GDPD4: variants seen among roughly 807,000 people sequenced by gnomAD.
GDPD4 encodes the protein glycerophosphodiester phosphodiesterase 6.
In GDPD4, 60 loss-of-function variants were observed where a neutral mutation model predicts 67.8. That is an observed-to-expected ratio of 0.88 (90% CI 0.72 to 1.10). The LOEUF (loss-of-function observed/expected upper bound fraction) is 1.10, where lower values mean the gene tolerates loss of function less well. GDPD4 is among the 50% of genes least tolerant of loss of function. The pLI is 0.00. For synonymous variants in GDPD4, 212 were observed against 210.9 expected, an observed-to-expected ratio of 1.00 and a Z score of -0.04; for missense variants, 623 against 613.9, an observed-to-expected ratio of 1.01 and a Z score of -0.16.
intron 16 of GDPD4, among the ~76,000 whole-genome samples, chr11:77,219,148 T>G (rs540929067): frequency 6.6e-6 from 1 of 152,382 alleles, no homozygotes; most frequent in African/African-American, 2.4e-5. Context: ...TCAGTGACGA[T>G]GAGCATTTTT....
chr11:77,245,860 G>T (rs1250789836), intron 11 of GDPD4, among the ~76,000 whole-genome samples: 1 of 152,066 alleles, frequency 6.6e-6, no homozygotes, highest in Admixed American at 6.6e-5. Flanking sequence ...TGTGTAATAG[G>T]AAGAACACAT....
At chr11:77,217,566 G>C (rs551944671) in intron 16 of GDPD4, among the ~76,000 whole-genome samples, 86 of 152,294 alleles carry the variant, frequency 5.6e-4, no homozygotes, top group African/African-American at 2.1e-3. Flanking sequence ...TCAGAAAGCA[G>C]AGACTGACAT....
chr11:77,222,222 TTTAAGG>T (rs1394022780), intron 16 of GDPD4, among the ~76,000 whole-genome samples: 1 of 152,224 alleles, frequency 6.6e-6, no homozygotes, highest in East Asian at 1.9e-4. Context: ...CCCATTTACA[TTTAAGG>T]TTAATATTCT....
At chr11:77,238,272 C>T (rs146838148) in intron 13 of GDPD4, among the ~76,000 whole-genome samples, 1 of 152,150 alleles carries the variant, frequency 6.6e-6, no homozygotes, top group Non-Finnish European at 1.5e-5. Context: ...CTAAGTGTCA[C>T]TGAATTGTTC....
At chr11:77,286,293 A>G (rs1378620313) in intron 2 of GDPD4, among the ~76,000 whole-genome samples, 1 of 152,188 alleles carries the variant, frequency 6.6e-6, no homozygotes, top group African/African-American at 2.4e-5. Context: ...GTACATGCGC[A>G]TACAGTTACA....
intron 15 of GDPD4, among the ~76,000 whole-genome samples, chr11:77,228,600 C>T (rs372998079): frequency 3.4e-4 from 52 of 151,218 alleles, no homozygotes; most frequent in African/African-American, 1.2e-3. Flanking sequence ...ATCACTTGAA[C>T]CCAGGAGGTG....
rs200350702 is a variant in GDPD4, at chr11:77,233,446, G to A, written c.1242-274C>T. On this transcript the variant is annotated intron_variant, in intron 13 of 16. Coordinates refer to ENST00000315938, the MANE Select transcript of GDPD4 (RefSeq NM_182833.3). The stretch of plus-strand genomic sequence containing the variant: ...TAAAAAGGAAGAAAGAAAACATATT[G>A]AAAAAAAAAAAAAAAAAAAGAATGG... 1.2e-4 allele frequency among the ~76,000 whole-genome samples: 12 copies of A among 100,396 alleles called. No individual in the cohort carries two copies. The highest frequency in any genetic ancestry group is 1.7e-4 in the African/African-American group (4 of 23,744). 65.9% of individuals were successfully genotyped at this position (100,396 alleles called of 152,430 possible).
At chr11:77,235,849 T>C (rs979717596) in intron 13 of GDPD4, among the ~76,000 whole-genome samples, 1 of 151,438 alleles carries the variant, frequency 6.6e-6, no homozygotes, top group Non-Finnish European at 1.5e-5. Context: ...CTAACTACTG[T>C]GGAGGCTGAG....
At chr11:77,220,826 G>A (rs187297073) in intron 16 of GDPD4, among the ~76,000 whole-genome samples, 582 of 143,494 alleles carry the variant, frequency 4.1e-3, no homozygotes, top group African/African-American at 5.6e-3. Context: ...CTGTGAATCC[G>A]TCTGGTCCTG....
At chr11:77,217,978 C>T (rs1958155257) in intron 16 of GDPD4, among the ~76,000 whole-genome samples, 1 of 151,448 alleles carries the variant, frequency 6.6e-6, no homozygotes, top group African/African-American at 2.4e-5. Context: ...CTTAGATTTA[C>T]CTTTTATTTT....
chr11:77,245,286 G>A lies in GDPD4; in HGVS notation c.1081C>T (p.His361Tyr). The A allele has an allele frequency of 6.2e-7, 1 of 1,613,186 alleles. No individual in the cohort carries two copies. Among genetic ancestry groups the A allele is most frequent in the Non-Finnish European group, 8.5e-7 (1 of 1,179,152 alleles). The change falls in exon 12 of 17, where the codon CAT becomes TAT. Residue 361 changes from histidine to tyrosine, a missense_variant. Transcript: ENST00000315938. Reference sequence around the variant, plus strand: ...AAATACTGAGATAGACTTACCAGATGTTGCTCGATTTTAGAGGCAAGGATC... The same window carrying A: ...AAATACTGAGATAGACTTACCAGATATTGCTCGATTTTAGAGGCAAGGATC... ...SVILASKIEQ[H>Y]LIFWLPAHDR... is the part of the protein sequence containing the mutation.
intron 3 of GDPD4, among the ~76,000 whole-genome samples, chr11:77,284,696 G>A (rs559894413): frequency 6.6e-6 from 1 of 152,274 alleles, no homozygotes; most frequent in Admixed American, 6.5e-5. Context: ...GAGGGTATAG[G>A]AGCAGCAGAG....
chr11:77,243,580 T>A, intron 13 of GDPD4, 114 bp downstream of exon 13: 1 of 905,770 alleles, frequency 1.1e-6, no homozygotes, highest in African/African-American at 1.7e-5. Context: ...TCAAAGGAGA[T>A]AACCACACAC....
intron 11 of GDPD4, among the ~76,000 whole-genome samples, chr11:77,248,124 T>A (rs1250442677): frequency 6.7e-6 from 1 of 148,218 alleles, no homozygotes; most frequent in Non-Finnish European, 1.5e-5. Flanking sequence ...TGATGCCACA[T>A]CAAGGAAACA....
At chr11:77,236,440 T>C (rs1013400522) in intron 13 of GDPD4, among the ~76,000 whole-genome samples, 1 of 151,920 alleles carries the variant, frequency 6.6e-6, no homozygotes, top group Non-Finnish European at 1.5e-5. Context: ...CAATTAAAAG[T>C]CCGAGATTAT....
chr11:77,298,222 TATA>T (rs1005072553), intron 1 of GDPD4, among the ~76,000 whole-genome samples: 2 of 152,138 alleles, frequency 1.3e-5, no homozygotes, highest in Admixed American at 1.3e-4. Flanking sequence ...AGTAGAAAAG[TATA>T]ATCAGGCCAG....
At chr11:77,244,119 C>A (rs970607967) in intron 12 of GDPD4, among the ~76,000 whole-genome samples, 1 of 152,172 alleles carries the variant, frequency 6.6e-6, no homozygotes, top group Non-Finnish European at 1.5e-5. Flanking sequence ...GGGTTCATAC[C>A]ATTCTCCTGC....
intron 10 of GDPD4, among the ~76,000 whole-genome samples, chr11:77,266,773 A>C (rs1959180146): frequency 6.6e-6 from 1 of 152,208 alleles, no homozygotes; most frequent in Admixed American, 6.5e-5. Flanking sequence ...AATAGAAAAC[A>C]GCTTAGAGAA....
At chr11:77,228,015 A>T (rs1485107774) in intron 15 of GDPD4, 99 bp from the exon 16 acceptor site, 1 of 837,968 alleles carries the variant, frequency 1.2e-6, no homozygotes, top group Non-Finnish European at 2.1e-6. Flanking sequence ...TTCCATCTTG[A>T]AACTTACAAT....
Sources: allele counts gnomAD v4.1 joint callset (sites outside exome capture counted in the v4.1 genomes callset), GRCh38; gene constraint gnomAD v4.1.1; transcripts MANE v1.5; gene names NCBI Gene and HGNC (gene_info 2026-07-23, HGNC 2026-07-21).